The following ARHGAP15 variants were observed in gnomAD, a reference collection of about 807,000 sequenced individuals.
ARHGAP15 encodes Rho GTPase activating protein 15.
In ARHGAP15, 51 loss-of-function variants were observed where a neutral mutation model predicts 63.7. The observed-to-expected ratio is 0.80, with a 90% CI of 0.64 to 1.01. The LOEUF (loss-of-function observed/expected upper bound fraction) is 1.01. Among genes scored for constraint, ARHGAP15 ranks in the 50% least tolerant of loss-of-function variants. The pLI, the probability that ARHGAP15 is intolerant of heterozygous loss-of-function variation, is 0.00. For missense variants in ARHGAP15, 560 were observed against 564.6 expected (o/e 0.99, Z 0.08); for synonymous variants, 191 against 193.8 (o/e 0.99, Z 0.12).
At chr2:143,644,244 G>T (rs954568793) in intron 12 of ARHGAP15, among the ~76,000 whole-genome samples, 2 of 152,038 alleles carry the variant, frequency 1.3e-5, no homozygotes, top group African/African-American at 4.8e-5. Flanking sequence ...TAGACTGGGG[G>T]TAGGGAGTGG....
Position 143,389,141 on chromosome 2 carries a change from A to T in ARHGAP15, c.475-46460A>T, listed in dbSNP as rs61489146. On this transcript the variant is annotated intron_variant, in intron 6 of 13. Coordinates refer to ENST00000295095, the MANE Select transcript of ARHGAP15 (RefSeq NM_018460.4). ...ATTATTATTATTATTATTATTTTTT[A>T]TTATTATTATTTTACAAATTGTATT... 3.2e-3 allele frequency among the ~76,000 whole-genome samples: 470 copies of T among 146,556 alleles called. 3 individuals carry two copies. The highest frequency in any genetic ancestry group is 0.011 in the African/African-American group (436 of 39,696).
intron 9 of ARHGAP15, among the ~76,000 whole-genome samples, chr2:143,518,137 C>T (rs752150193): frequency 1.3e-5 from 2 of 152,010 alleles, no homozygotes; most frequent in Non-Finnish European, 2.9e-5. Context: ...TTAATGCCAC[C>T]GAGTGGTACA....
chr2:143,367,508 C>A (rs1447285850), intron 6 of ARHGAP15, among the ~76,000 whole-genome samples: 2 of 151,958 alleles, frequency 1.3e-5, no homozygotes, highest in Non-Finnish European at 2.9e-5. Context: ...CTTGTTCATA[C>A]TAATTGGCTC....
At chr2:143,364,840 T>C (rs1686226323) in intron 6 of ARHGAP15, among the ~76,000 whole-genome samples, 2 of 152,066 alleles carry the variant, frequency 1.3e-5, no homozygotes, top group Admixed American at 1.3e-4. Flanking sequence ...AAACCCTGTC[T>C]CTTAAAAATA....
Position 143,294,516 on chromosome 2 carries a change from T to C in ARHGAP15, c.474+43916T>C, listed in dbSNP as rs1025613219. On this transcript the variant is annotated intron_variant, in intron 6 of 13. Coordinates refer to ENST00000295095, the MANE Select transcript of ARHGAP15 (RefSeq NM_018460.4). ...GCCATTAAACCAGGAACCCTGACTC[T>C]TCCCATGTGATGGACCCAGTGTCTT... Among the ~76,000 whole-genome samples the C allele has an allele frequency of 5.9e-5, 9 of 152,180 alleles. No individual in the cohort carries two copies. The East Asian group carries it at 1.7e-3, about 30-fold the overall frequency.
intron 1 of ARHGAP15, among the ~76,000 whole-genome samples, chr2:143,132,677 T>C (rs1349478745): frequency 1.3e-5 from 2 of 152,192 alleles, no homozygotes; most frequent in East Asian, 3.9e-4. Flanking sequence ...GGCTCTCTGC[T>C]AAAAAGAGGG....
At chr2:143,505,387 G>A (rs1693263815) in intron 9 of ARHGAP15, among the ~76,000 whole-genome samples, 1 of 152,172 alleles carries the variant, frequency 6.6e-6, no homozygotes, top group African/African-American at 2.4e-5. Context: ...ATTCAGTTTG[G>A]TGGGCAACTT....
chr2:143,336,958 C>T (rs928064941), intron 6 of ARHGAP15, among the ~76,000 whole-genome samples: 8 of 151,830 alleles, frequency 5.3e-5, no homozygotes, highest in Admixed American at 5.3e-4. Flanking sequence ...AGTTTACAGG[C>T]TGTAAGGAAG....
At position 143,449,773 on chromosome 2, in the gene ARHGAP15, G is replaced by C. The variant is rs1690315506; in HGVS notation, c.703+12731G>C. Among the ~76,000 whole-genome samples, 3 of 151,990 alleles carry C rather than the reference G, an allele frequency of 2.0e-5. No homozygotes were observed. The South Asian group carries it at 6.2e-4, about 32-fold the overall frequency. ...GAGATTTCACTTACTGGGAAGAACT[G>C]ATAATGATTATTTCTGAAATAAAAC... On this transcript the variant is annotated intron_variant, in intron 8 of 13. Transcript: ENST00000295095.
chr2:143,363,711 G>A (rs989441104), intron 6 of ARHGAP15, among the ~76,000 whole-genome samples: 5 of 151,936 alleles, frequency 3.3e-5, no homozygotes, highest in Admixed American at 1.3e-4. Flanking sequence ...TTAATACTCT[G>A]CACAACACCT....
chr2:143,599,978 T>C (rs1308311031), intron 11 of ARHGAP15, among the ~76,000 whole-genome samples: 1 of 152,160 alleles, frequency 6.6e-6, no homozygotes, highest in Non-Finnish European at 1.5e-5. Context: ...AGTAATTTCT[T>C]TCCTATCCTC....
intron 11 of ARHGAP15, among the ~76,000 whole-genome samples, chr2:143,563,075 A>G (rs892341868): frequency 3.3e-5 from 5 of 152,206 alleles, no homozygotes; most frequent in African/African-American, 1.2e-4. Context: ...GCACCAGATA[A>G]ATGTTGAAGG....
At chr2:143,268,920 T>C (rs1382946661) in intron 6 of ARHGAP15, among the ~76,000 whole-genome samples, 1 of 152,152 alleles carries the variant, frequency 6.6e-6, no homozygotes, top group Admixed American at 6.5e-5. Flanking sequence ...AAAGACCCTA[T>C]TGTATCTGCC....
chr2:143,568,718 G>A (rs1331253734), intron 11 of ARHGAP15, among the ~76,000 whole-genome samples: 1 of 152,204 alleles, frequency 6.6e-6, no homozygotes, highest in African/African-American at 2.4e-5. Flanking sequence ...GCACACATAT[G>A]TTTATTGCAG....
intron 13 of ARHGAP15, among the ~76,000 whole-genome samples, chr2:143,745,093 A>G (rs1686110760): frequency 1.3e-5 from 2 of 152,120 alleles, no homozygotes; most frequent in African/African-American, 4.8e-5. Context: ...CCTTCTTTCT[A>G]TACTCACTTA....
intron 11 of ARHGAP15, among the ~76,000 whole-genome samples, chr2:143,577,868 A>G (rs1441636332): frequency 1.3e-5 from 2 of 152,178 alleles, no homozygotes; most frequent in East Asian, 3.8e-4. Flanking sequence ...AACCTGGTGC[A>G]CTATGTTCAG....
chr2:143,402,238 TATA>T (rs925014231), intron 6 of ARHGAP15, among the ~76,000 whole-genome samples: 3 of 151,852 alleles, frequency 2.0e-5, no homozygotes, highest in Non-Finnish European at 2.9e-5. Context: ...TTGCCTGCCA[TATA>T]ATATTATTAC....
chr2:143,483,559 A>G (rs1406312898), intron 8 of ARHGAP15, among the ~76,000 whole-genome samples: 1 of 152,192 alleles, frequency 6.6e-6, no homozygotes, highest in Non-Finnish European at 1.5e-5. Context: ...CCTGAGGCAG[A>G]GTTATTCTGA....
intron 8 of ARHGAP15, among the ~76,000 whole-genome samples, chr2:143,451,288 A>G (rs1326201806): frequency 6.6e-6 from 1 of 151,964 alleles, no homozygotes; most frequent in Non-Finnish European, 1.5e-5. Context: ...ATGTCTACAA[A>G]TGTATTTTCT....
Sources: allele counts gnomAD v4.1 joint callset (sites outside exome capture counted in the v4.1 genomes callset), GRCh38; gene constraint gnomAD v4.1.1; transcripts MANE v1.5; gene names NCBI Gene and HGNC (gene_info 2026-07-23, HGNC 2026-07-21).